The following ZNF738 variants were observed in gnomAD, a reference collection of about 807,000 sequenced individuals.
The protein encoded by ZNF738 is zinc finger protein 738.
ZNF738 carries 10 observed loss-of-function variants against 9.2 expected under a neutral mutation model. The ratio of observed to expected loss-of-function variants is 1.09; its 90% CI spans 0.67 to 1.85. The LOEUF is 1.85. ZNF738 is among the 40% of genes most tolerant of loss of function. The probability of loss-of-function intolerance (pLI) is 0.00; values close to 1 mark genes in which losing one functional copy is unlikely to be tolerated. For missense variants in ZNF738, 346 were observed against 283.6 expected (o/e 1.22, Z -1.58); for synonymous variants, 113 against 94.5 (o/e 1.20, Z -1.14).
chr19:21,364,352 T>TA (rs1411540874), intron 2 of ZNF738, among the ~76,000 whole-genome samples: 1 of 151,976 alleles, frequency 6.6e-6, no homozygotes, highest in African/African-American at 2.4e-5. Flanking sequence ...AACGGGGGGT[T>TA]AAAAAATCAG....
chr19:21,364,823 G>A (rs1037605604), intron 2 of ZNF738, among the ~76,000 whole-genome samples: 1 of 147,248 alleles, frequency 6.8e-6, no homozygotes, highest in African/African-American at 2.5e-5. Flanking sequence ...TCGACTCATG[G>A]CAACTTCTGC....
chr19:21,359,314 G>T (rs1973650872), intron 1 of ZNF738, among the ~76,000 whole-genome samples, 171 bp downstream of exon 1: 1 of 152,206 alleles, frequency 6.6e-6, no homozygotes, highest in Admixed American at 6.5e-5. Flanking sequence ...TGGCGGTTGC[G>T]CCGACAGCCC....
In ZNF738 at chr19:21,375,225, G is replaced by GTA. The variant is rs781556805; in HGVS notation, c.97-12_97-11insAT. 4 of 1,099,850 alleles carry GTA rather than the reference G, an allele frequency of 3.6e-6. No individual in the cohort carries two copies. Among genetic ancestry groups the GTA allele is most frequent in the Non-Finnish European group, 1.4e-6 (1 of 725,872 alleles). 68.1% of individuals were successfully genotyped at this position (1,099,850 alleles called of 1,614,324 possible). A position where few individuals can be genotyped will look rare whatever the true frequency, so the allele number is the denominator to read the frequency against. On this transcript the variant is annotated splice_polypyrimidine_tract_variant and intron_variant, in intron 2 of 4. Coordinates refer to ENST00000683779, the MANE Select transcript of ZNF738 (RefSeq NM_001355237.2). ...GACACTTGTAAATATGTGTGTGTGT[G>GTA]TGTGTTTTTCAGGGGCCGTTGACAT...
intron 4 of ZNF738, chr19:21,381,693 C>T (rs1974006563): frequency 2.7e-6 from 1 of 368,032 alleles, no homozygotes; most frequent in Non-Finnish European, 5.1e-6. Flanking sequence ...TGGGGTTTCA[C>T]TGCGTTAGCC....
intron 2 of ZNF738, among the ~76,000 whole-genome samples, chr19:21,364,942 T>C (rs1973756639): frequency 7.9e-6 from 1 of 127,212 alleles, no homozygotes. Flanking sequence ...TTTTTTTTAG[T>C]AGAGACAGGG....
At chr19:21,373,825 C>T (rs937958583) in intron 2 of ZNF738, among the ~76,000 whole-genome samples, 4 of 149,760 alleles carry the variant, frequency 2.7e-5, no homozygotes, top group Admixed American at 2.7e-4. Context: ...AGAGCTGTGT[C>T]CACTCTGCCT....
chr19:21,376,097 G>A, intron 4 of ZNF738, 133 bp downstream of exon 4: 1 of 485,834 alleles, frequency 2.1e-6, no homozygotes, highest in Non-Finnish European at 3.8e-6. Context: ...CCTGAGGTGT[G>A]TGGTTTTTTT....
chr19:21,371,032 A>G (rs1973849295), intron 2 of ZNF738, among the ~76,000 whole-genome samples: 1 of 152,222 alleles, frequency 6.6e-6, no homozygotes, highest in South Asian at 2.1e-4. Flanking sequence ...CCTGGTGTAA[A>G]TAGAATCTGA....
In ZNF738 at chr19:21,379,964, A is replaced by G. The variant is rs1226845371; in HGVS notation, c.320-2902A>G. Among the ~76,000 whole-genome samples, 5 of 152,330 alleles carry G rather than the reference A, an allele frequency of 3.3e-5. No individual in the cohort carries two copies. In the East Asian group the frequency reaches 7.7e-4, roughly 24 times the overall value. ...TGTGTCATCTCATAGAATACTTAATATGTCAAACCCAGGAAAATCAGTAAC... is the reference window on the plus strand; with the variant it reads ...TGTGTCATCTCATAGAATACTTAATGTGTCAAACCCAGGAAAATCAGTAAC... On this transcript the variant is annotated intron_variant, in intron 4 of 4. Transcript: ENST00000683779.
intron 4 of ZNF738, among the ~76,000 whole-genome samples, chr19:21,380,565 ATC>A (rs1599719818): frequency 6.6e-6 from 1 of 152,206 alleles, no homozygotes; most frequent in African/African-American, 2.4e-5. Flanking sequence ...TTGAGATCCT[ATC>A]TCTGAGCAGG....
intron 2 of ZNF738, among the ~76,000 whole-genome samples, chr19:21,367,955 G>A (rs542008337): frequency 1.3e-3 from 199 of 152,300 alleles, no homozygotes; most frequent in Non-Finnish European, 8.4e-4. Context: ...CATCTACCTA[G>A]CATTATGGAG....
At chr19:21,380,261 A>C (rs976113631) in intron 4 of ZNF738, among the ~76,000 whole-genome samples, 1 of 152,222 alleles carries the variant, frequency 6.6e-6, no homozygotes, top group Non-Finnish European at 1.5e-5. Context: ...TCCCACTCAA[A>C]ATAAAATAAA....
At position 21,375,230 on chromosome 19, in the gene ZNF738, T is replaced by TGTGTG; in HGVS notation, c.97-8_97-7insGTGTG. ...TTGTAAATATGTGTGTGTGTGTGTGTTTTTCAGGGGCCGTTGACATTTAGG... is the reference window on the plus strand; with the variant it reads ...TTGTAAATATGTGTGTGTGTGTGTGTGTGTGTTTTCAGGGGCCGTTGACATTTAGG... On this transcript the variant is annotated splice_polypyrimidine_tract_variant and splice_region_variant and intron_variant, in intron 2 of 4. Transcript: ENST00000683779. The TGTGTG allele has an allele frequency of 1.8e-6, 2 of 1,114,700 alleles. No individual in the cohort carries two copies. Among genetic ancestry groups the TGTGTG allele is most frequent in the South Asian group, 1.3e-5 (1 of 76,416 alleles). The allele number at this position is 1,114,700 out of a possible 1,614,324, so 69.1% of individuals were successfully genotyped here. A position where few individuals can be genotyped will look rare whatever the true frequency, so the allele number is the denominator to read the frequency against.
chr19:21,377,242 G>T (rs1055740713), intron 4 of ZNF738: 3 of 450,192 alleles, frequency 6.7e-6, no homozygotes, highest in Admixed American at 8.1e-5. Context: ...AGGAGGCGGA[G>T]GTTGTGGTGA....
At chr19:21,362,925 A>G (rs993184418) in intron 2 of ZNF738, among the ~76,000 whole-genome samples, 1 of 152,212 alleles carries the variant, frequency 6.6e-6, no homozygotes, top group Non-Finnish European at 1.5e-5. Flanking sequence ...AATGTGGTAG[A>G]TAATTGGTGA....
intron 4 of ZNF738, chr19:21,379,319 TC>T (rs1480571624): frequency 2.0e-5 from 3 of 152,236 alleles, no homozygotes; most frequent in African/African-American, 7.2e-5. Context: ...ATGTTACCTG[TC>T]CCAGTCTTTG....
intron 4 of ZNF738, chr19:21,377,576 T>A (rs1973947213): frequency 2.0e-6 from 1 of 497,018 alleles, no homozygotes; most frequent in Non-Finnish European, 3.6e-6. Context: ...TATTATTGTT[T>A]AATGTCTTTC....
rs1974042072 is a variant in ZNF738, at chr19:21,384,378, A to G, written c.*704A>G. ...AGCCTTTAATGTATTCTCAACCCTT[A>G]CTAAACATAAGAGAATTCATAATGG... On this transcript the variant is annotated 3_prime_UTR_variant, in exon 5 of 5. Transcript: ENST00000683779. 6.6e-6 allele frequency among the ~76,000 whole-genome samples: 1 copy of G among 152,154 alleles called. No individual in the cohort carries two copies. Among genetic ancestry groups the G allele is most frequent in the African/African-American group, 2.4e-5 (1 of 41,452 alleles).
At chr19:21,381,266 G>C in intron 4 of ZNF738, 1 of 1,591,304 alleles carries the variant, frequency 6.3e-7, no homozygotes, top group Non-Finnish European at 8.6e-7. Context: ...TTTGATGTTT[G>C]GGTTATTGAA....
Sources: allele counts gnomAD v4.1 joint callset (sites outside exome capture counted in the v4.1 genomes callset), GRCh38; gene constraint gnomAD v4.1.1; transcripts MANE v1.5; gene names NCBI Gene and HGNC (gene_info 2026-07-23, HGNC 2026-07-21).